The following STT3B variants were observed in gnomAD, a reference collection of about 807,000 sequenced individuals.
The protein encoded by STT3B is dolichyl-diphosphooligosaccharide--protein glycosyltransferase subunit STT3B.
STT3B carries 29 observed loss-of-function variants against 96.8 expected under a neutral mutation model. That is an observed-to-expected ratio of 0.30 (90% CI 0.22 to 0.41). STT3B has a LOEUF of 0.41. STT3B is among the 10% of genes least tolerant of loss of function. The pLI, the probability that STT3B is intolerant of heterozygous loss-of-function variation, is 1.00. For missense variants in STT3B, 640 were observed against 1,022.3 expected (o/e 0.63, Z 5.10); for synonymous variants, 367 against 360.0 (o/e 1.02, Z -0.22).
intron 1 of STT3B, among the ~76,000 whole-genome samples, chr3:31,557,637 T>C (rs958446814): frequency 7.9e-5 from 12 of 152,210 alleles, no homozygotes; most frequent in African/African-American, 2.9e-4. Context: ...TTTTATTTGT[T>C]TATTTATTTT....
At chr3:31,617,172 A>G (rs1374694656) in intron 7 of STT3B, 97 bp downstream of exon 7, 2 of 962,020 alleles carry the variant, frequency 2.1e-6, no homozygotes, top group South Asian at 3.5e-5. Flanking sequence ...GCATGACTAC[A>G]AAGTGATTTT....
At position 31,621,558 on chromosome 3, in the gene STT3B, G is replaced by A. The variant is rs539073294; in HGVS notation, c.1328-539G>A. Reference sequence around the variant, plus strand: ...TAGTTAGAGTCTTTTCCTGTGGTTAGCACATTATCCAGAAAGCTCTGGCTA... The same window carrying A: ...TAGTTAGAGTCTTTTCCTGTGGTTAACACATTATCCAGAAAGCTCTGGCTA... On this transcript the variant is annotated intron_variant, in intron 9 of 15. Transcript: ENST00000295770. 1.2e-3 allele frequency among the ~76,000 whole-genome samples: 187 copies of A among 152,328 alleles called. 1 individual carries two copies. Among genetic ancestry groups the A allele is most frequent in the South Asian group, 2.1e-3 (10 of 4,826 alleles).
At chr3:31,610,067 A>G (rs1235174189) in intron 5 of STT3B, among the ~76,000 whole-genome samples, 1 of 152,178 alleles carries the variant, frequency 6.6e-6, no homozygotes, top group Non-Finnish European at 1.5e-5. Context: ...AGTTAATCAT[A>G]TATTTCTCTG....
chr3:31,618,202 G>A (rs1699351595), intron 8 of STT3B, among the ~76,000 whole-genome samples: 1 of 151,996 alleles, frequency 6.6e-6, no homozygotes, highest in Non-Finnish European at 1.5e-5. Context: ...GTGTATTACT[G>A]TTCTGCATGG....
intron 1 of STT3B, among the ~76,000 whole-genome samples, chr3:31,555,370 CTTTATAT>C (rs1204899725): frequency 2.0e-5 from 3 of 152,072 alleles, no homozygotes; most frequent in African/African-American, 7.2e-5. Context: ...TTAGGATAAG[CTTTATAT>C]TTAAAGAAAA....
Position 31,573,627 on chromosome 3 carries a change from AG to A in STT3B, c.315-2768del, listed in dbSNP as rs1304300665. 2.6e-5 allele frequency among the ~76,000 whole-genome samples: 4 copies of A among 152,250 alleles called. 1 individual carries two copies. The highest frequency in any genetic ancestry group is 1.9e-4 in the East Asian group (1 of 5,182). ...ATATAGTGCATATGTTTGTTTTGGG[AG>A]TGGATGGTAGGTGTCTGATCAGGAG... On this transcript the variant is annotated intron_variant, in intron 1 of 15. Transcript: ENST00000295770.
In STT3B at chr3:31,619,667, T is replaced by A. The variant is rs1559389104; in HGVS notation, c.1173-9T>A. On this transcript the variant is annotated splice_polypyrimidine_tract_variant and intron_variant, in intron 8 of 15. Coordinates refer to ENST00000295770, the MANE Select transcript of STT3B (RefSeq NM_178862.3). ...TAATTGTAAACAATATTAACTTTTT[T>A]AATACCAGGTATGCAAAAATACACA... 6.2e-7 allele frequency: 1 copy of A among 1,600,410 alleles called. No homozygotes were observed. The highest frequency in any genetic ancestry group is 2.2e-5 in the East Asian group (1 of 44,728).
At chr3:31,583,330 CTG>C (rs1428450824) in intron 3 of STT3B, among the ~76,000 whole-genome samples, 2 of 151,424 alleles carry the variant, frequency 1.3e-5, no homozygotes, top group Admixed American at 1.3e-4. Flanking sequence ...AATTCAAAGT[CTG>C]TTTTTTCTTT....
At position 31,560,558 on chromosome 3, in the gene STT3B, G is replaced by A. The variant is rs1697850665; in HGVS notation, c.315-15838G>A. 2.0e-5 allele frequency among the ~76,000 whole-genome samples: 3 copies of A among 151,682 alleles called. No individual in the cohort carries two copies. In the South Asian group the frequency reaches 6.2e-4, roughly 32 times the overall value. On this transcript the variant is annotated intron_variant, in intron 1 of 15. Coordinates refer to ENST00000295770, the MANE Select transcript of STT3B (RefSeq NM_178862.3). ...TCATTAGCAATTTTTTTTTCTTTCAGCACTTTCAATACATTATCCCTTTCT... is the reference window on the plus strand; with the variant it reads ...TCATTAGCAATTTTTTTTTCTTTCAACACTTTCAATACATTATCCCTTTCT...
intron 1 of STT3B, among the ~76,000 whole-genome samples, chr3:31,541,830 C>T (rs1697280676): frequency 6.6e-6 from 1 of 152,170 alleles, no homozygotes; most frequent in Admixed American, 6.5e-5. Flanking sequence ...CCCTCCTCGG[C>T]CTCCCAAAGT....
chr3:31,624,774 T>G (rs1699500216), intron 11 of STT3B, 140 bp from the exon 12 acceptor site: 4 of 578,144 alleles, frequency 6.9e-6, no homozygotes, highest in Non-Finnish European at 1.2e-5. Flanking sequence ...CTTTTTTTTT[T>G]CTCATTGGTA....
At chr3:31,556,286 T>C (rs943902549) in intron 1 of STT3B, among the ~76,000 whole-genome samples, 1 of 152,202 alleles carries the variant, frequency 6.6e-6, no homozygotes, top group Admixed American at 6.5e-5. Flanking sequence ...CCACACTTCC[T>C]TTATTCATTT....
rs778960864 is a variant in STT3B, at chr3:31,633,096, C to T, written c.2349C>T (p.His783=). Residue 783 remains histidine, a synonymous_variant, in exon 15 of 16, where the codon CAC becomes CAT. Transcript: ENST00000295770. Reference sequence around the variant, plus strand: ...CTGATAACAGGGAGACATTAGATCACAAACCTCGAGTCACCAACATTTTCC... The same window carrying T: ...CTGATAACAGGGAGACATTAGATCATAAACCTCGAGTCACCAACATTTTCC... ...KAPDNRETLD[H]KPRVTNIFPK... 4 of 1,613,902 alleles carry T rather than the reference C, an allele frequency of 2.5e-6. No individual in the cohort carries two copies. Among genetic ancestry groups the T allele is most frequent in the Non-Finnish European group, 3.4e-6 (4 of 1,179,956 alleles).
chr3:31,551,550 C>CCAT (rs1697561634), intron 1 of STT3B, among the ~76,000 whole-genome samples: 1 of 152,280 alleles, frequency 6.6e-6, no homozygotes, highest in South Asian at 2.1e-4. Context: ...ACGTTAGCAT[C>CCAT]CATAATTGGT....
chr3:31,621,867 A>G (rs896257910), intron 9 of STT3B, among the ~76,000 whole-genome samples: 2 of 152,240 alleles, frequency 1.3e-5, no homozygotes, highest in Non-Finnish European at 2.9e-5. Flanking sequence ...AATTTGAATC[A>G]TATACATTTT....
intron 1 of STT3B, among the ~76,000 whole-genome samples, chr3:31,545,812 TG>T (rs199862171): frequency 2.6e-4 from 35 of 137,038 alleles, no homozygotes; most frequent in Admixed American, 7.4e-4. Flanking sequence ...ACATTAGGAG[TG>T]GTTTTTTTTT....
chr3:31,577,542 A>C (rs957089334), intron 2 of STT3B, among the ~76,000 whole-genome samples: 1 of 152,164 alleles, frequency 6.6e-6, no homozygotes, highest in Admixed American at 6.6e-5. Context: ...AACACCTTCT[A>C]TGTAATTTCA....
chr3:31,579,470 G>A (rs1266126670), intron 2 of STT3B, among the ~76,000 whole-genome samples: 1 of 63,304 alleles, frequency 1.6e-5, no homozygotes, highest in African/African-American at 7.1e-5. Context: ...CTAAGACCCT[G>A]TTTTGATAAA....
intron 13 of STT3B, among the ~76,000 whole-genome samples, chr3:31,628,003 A>AC (rs1156896179): frequency 1.5e-3 from 158 of 104,380 alleles, no homozygotes; most frequent in Middle Eastern, 0.011. Flanking sequence ...AAAAAAGTCT[A>AC]CCCCCCCTAA....
Sources: gnomAD v4.1 joint callset for allele counts (sites outside exome capture counted in the v4.1 genomes callset) on GRCh38, gnomAD v4.1.1 for gene constraint, MANE v1.5 for transcripts, NCBI Gene and HGNC (gene_info 2026-07-23, HGNC 2026-07-21) for gene names.